IWS1: variants seen among roughly 807,000 people sequenced by gnomAD.
IWS1 encodes the protein interacts with SUPT6H, CTD assembly factor 1.
Under a neutral mutation model 86.7 loss-of-function variants are expected in IWS1, and 27 were observed. That is an observed-to-expected ratio of 0.31 (90% CI 0.23 to 0.43). IWS1 has a LOEUF of 0.43. Ranked by LOEUF, IWS1 falls within the 20% of genes least tolerant of loss-of-function variation. The pLI is 1.00. For missense variants in IWS1, 827 were observed against 1,000.8 expected (o/e 0.83, Z 2.34); for synonymous variants, 313 against 335.1 (o/e 0.93, Z 0.72).
chr2:127,483,631 CGTGT>C (rs374712537), intron 13 of IWS1, among the ~76,000 whole-genome samples: 16 of 39,874 alleles, frequency 4.0e-4, no homozygotes, highest in Admixed American at 8.4e-4. Flanking sequence ...TGTGCGTGTG[CGTGT>C]GTGTGTGTGT....
At chr2:127,512,647 A>G (rs1691535086) in intron 2 of IWS1, among the ~76,000 whole-genome samples, 1 of 152,156 alleles carries the variant, frequency 6.6e-6, no homozygotes, top group African/African-American at 2.4e-5. Flanking sequence ...CGTTTCTCCA[A>G]CTGGCAATGT....
chr2:127,505,401 G>A lies in IWS1; in HGVS notation c.502C>T (p.Pro168Ser). Reference protein sequence around the residue: ...DSEIEELQKSPASDSETEDAL... With the variant: ...DSEIEELQKSSASDSETEDAL... ...TCTTCTGTTTCAGAGTCACTAGCAG[G>A]ACTCTTCTGGAGCTCCTCAATCTCA... The change falls in exon 3 of 14, where the codon CCT becomes TCT. Residue 168 changes from proline (P) to serine (S), a missense_variant. Pro to Ser is a moderately conservative substitution (Grantham distance 74). This residue lies in a region of IWS1 where 548 missense variants were observed against 560.2 expected (regional missense o/e 0.98). Coordinates refer to ENST00000295321, the MANE Select transcript of IWS1 (RefSeq NM_017969.3). This position sits in a 1 kb window ranked among gnomAD's most constrained non-coding sequence, Gnocchi z 5.0. 6.2e-7 allele frequency: 1 copy of A among 1,614,090 alleles called. No individual in the cohort carries two copies. Among genetic ancestry groups the A allele is most frequent in the Non-Finnish European group, 8.5e-7 (1 of 1,180,010 alleles).
chr2:127,503,735 T>C (rs562969982), intron 3 of IWS1, among the ~76,000 whole-genome samples, 159 bp from the exon 4 acceptor site: 105 of 151,894 alleles, frequency 6.9e-4, no homozygotes, highest in Admixed American at 1.4e-3. Flanking sequence ...TCCTGACACA[T>C]GGTTTAGAAT....
intron 2 of IWS1, among the ~76,000 whole-genome samples, chr2:127,508,896 T>A (rs529706349): frequency 6.6e-6 from 1 of 152,130 alleles, no homozygotes; most frequent in East Asian, 1.9e-4. Context: ...TGGGCAGTCA[T>A]CCAAAACTCA....
Position 127,502,784 on chromosome 2 carries a change from C to T in IWS1, c.1467+31G>A, listed in dbSNP as rs773885269. On this transcript the variant is annotated intron_variant, in intron 5 of 13. Transcript: ENST00000295321. Reference sequence around the variant, plus strand: ...TAAAAACACCAAAAAAAAGCACAATCAAGGAGGAAATATTTCCATCTTATA... The same window carrying T: ...TAAAAACACCAAAAAAAAGCACAATTAAGGAGGAAATATTTCCATCTTATA... 39 of 1,281,670 alleles carry T rather than the reference C, an allele frequency of 3.0e-5. 1 individual carries two copies. In the African/African-American group the frequency reaches 4.6e-4, roughly 15 times the overall value. 79.4% of individuals were successfully genotyped at this position (1,281,670 alleles called of 1,614,324 possible).
chr2:127,492,097 C>T lies in IWS1; in HGVS notation c.1930-9G>A. ...TGGCTCACACTAGGCAGCTGGGGAA[C>T]ATAAACACATACACACATATTAATC... is the stretch of plus-strand genomic sequence containing the variant. On this transcript the variant is annotated splice_polypyrimidine_tract_variant and intron_variant, in intron 9 of 13. Transcript: ENST00000295321. 1 of 1,548,542 alleles carries T rather than the reference C, an allele frequency of 6.5e-7. No individual in the cohort carries two copies. Among genetic ancestry groups the T allele is most frequent in the Non-Finnish European group, 8.9e-7 (1 of 1,120,368 alleles).
chr2:127,500,995 C>T (rs1341728258), intron 5 of IWS1, among the ~76,000 whole-genome samples: 2 of 152,168 alleles, frequency 1.3e-5, no homozygotes, highest in East Asian at 1.9e-4. Flanking sequence ...ACGTATGCTC[C>T]CAATTTACTG....
intron 2 of IWS1, chr2:127,514,981 A>G (rs1335235276): frequency 6.6e-6 from 1 of 152,220 alleles, no homozygotes; most frequent in African/African-American, 2.4e-5. Flanking sequence ...GGCACTCTCC[A>G]AAAAAATCCT....
chr2:127,522,865 T>G (rs934408385), intron 2 of IWS1, among the ~76,000 whole-genome samples: 1 of 152,236 alleles, frequency 6.6e-6, no homozygotes, highest in Non-Finnish European at 1.5e-5. Context: ...CGTTAAAATG[T>G]ACACAAAACC....
At chr2:127,506,470 G>A (rs984773744) in intron 2 of IWS1, among the ~76,000 whole-genome samples, 5 of 151,996 alleles carry the variant, frequency 3.3e-5, no homozygotes, top group African/African-American at 9.7e-5. Context: ...GGTTTTATAA[G>A]GTTAAGATTA....
At chr2:127,492,717 G>A (rs1690295913) in intron 9 of IWS1, 1 of 152,530 alleles carries the variant, frequency 6.6e-6, no homozygotes, top group Non-Finnish European at 1.5e-5. Flanking sequence ...CCCAAGCACA[G>A]CCACCTTCTA....
Position 127,498,390 on chromosome 2 carries a change from T to C in IWS1, c.1468-153A>G, listed in dbSNP as rs1053589868. Among the ~76,000 whole-genome samples the C allele has an allele frequency of 3.3e-5, 5 of 152,232 alleles. 1 individual carries two copies. Among genetic ancestry groups the C allele is most frequent in the Admixed American group, 3.3e-4 (5 of 15,290 alleles). On this transcript the variant is annotated intron_variant, in intron 5 of 13. Coordinates refer to ENST00000295321, the MANE Select transcript of IWS1 (RefSeq NM_017969.3). ...CAAAAGGTCCCTCTCCAGCCACTAG[T>C]GTTACTAGGTTTCTTGTGTTTCCTT...
At chr2:127,481,310 C>G in intron 13 of IWS1, 135 bp from the exon 14 acceptor site, 1 of 705,966 alleles carries the variant, frequency 1.4e-6, no homozygotes, top group Non-Finnish European at 2.2e-6. Context: ...TGTTGATGAC[C>G]TCAAGAACAA....
chr2:127,507,771 G>C (rs334161), intron 2 of IWS1, among the ~76,000 whole-genome samples: 2 of 152,136 alleles, frequency 1.3e-5, no homozygotes, highest in African/African-American at 2.4e-5. Flanking sequence ...GGTAGAGTTC[G>C]AGCATTCCTA....
In IWS1 at chr2:127,486,587, C is replaced by T; in HGVS notation, c.2294G>A (p.Arg765Lys). Reference sequence around the variant, plus strand: ...CTCCATTTCCACATTCCATTTGGGCCTGACAACATAGTCCTTGTTTGAAGG... The same window carrying T: ...CTCCATTTCCACATTCCATTTGGGCTTGACAACATAGTCCTTGTTTGAAGG... Reference protein sequence around the residue: ...PMPSNKDYVVRPKWNVEMESS... With the variant: ...PMPSNKDYVVKPKWNVEMESS... The change falls in exon 13 of 14, where the codon AGG (arginine) becomes AAG (lysine). Residue 765 changes from arginine to lysine, a missense_variant. Arg to Lys is a conservative substitution (Grantham distance 26). Transcript: ENST00000295321. The T allele has an allele frequency of 6.2e-7, 1 of 1,614,106 alleles. No individual in the cohort carries two copies.
intron 12 of IWS1, among the ~76,000 whole-genome samples, chr2:127,487,218 G>A (rs1184210104): frequency 6.6e-6 from 1 of 152,176 alleles, no homozygotes; most frequent in Non-Finnish European, 1.5e-5. Flanking sequence ...GAGATCCAAT[G>A]TCTCTCCCAA....
chr2:127,492,988 G>C (rs1690312207), intron 9 of IWS1: 4 of 203,226 alleles, frequency 2.0e-5, no homozygotes, highest in Non-Finnish European at 3.9e-5. Context: ...TTCTGAATTT[G>C]GTGTTCATTC....
intron 9 of IWS1, among the ~76,000 whole-genome samples, chr2:127,492,545 T>G (rs1161277364): frequency 5.1e-5 from 2 of 39,088 alleles, no homozygotes; most frequent in African/African-American, 3.2e-4. Context: ...AAACTCCGTC[T>G]CAAAAAAAAA....
At position 127,526,382 on chromosome 2, in the gene IWS1, C is replaced by T. The variant is rs1434476580; in HGVS notation, c.-174G>A. 6.5e-7 allele frequency: 1 copy of T among 1,536,158 alleles called. No individual in the cohort carries two copies. Among genetic ancestry groups the T allele is most frequent in the Non-Finnish European group, 8.7e-7 (1 of 1,146,280 alleles). On this transcript the variant is annotated 5_prime_UTR_variant, in exon 1 of 14. Transcript: ENST00000295321. Reference sequence around the variant, plus strand: ...GTAGCGGCAAAGGCGAATTCTTTGACCTGGAAGCCCCGGCGGAAAAGGCCG... The same window carrying T: ...GTAGCGGCAAAGGCGAATTCTTTGATCTGGAAGCCCCGGCGGAAAAGGCCG...
Sources: allele counts gnomAD v4.1 joint callset (sites outside exome capture counted in the v4.1 genomes callset), GRCh38; gene constraint gnomAD v4.1.1; regional missense constraint gnomAD v4.1.1; non-coding constraint Gnocchi (gnomAD v3.1); transcripts MANE v1.5; gene names NCBI Gene and HGNC (gene_info 2026-07-23, HGNC 2026-07-21).